Variants in JMJD1C observed in about 807,000 individuals in gnomAD.
JMJD1C encodes jumonji domain containing 1C.
JMJD1C carries 31 observed loss-of-function variants against 245.3 expected under a neutral mutation model. That is an observed-to-expected ratio of 0.13 (90% CI 0.09 to 0.17). The LOEUF (loss-of-function observed/expected upper bound fraction) is 0.17, where lower values mean the gene tolerates loss of function less well. JMJD1C is among the 10% of genes least tolerant of loss of function. The pLI is 1.00. For synonymous variants in JMJD1C, 1,057 were observed against 1,017.4 expected (o/e 1.04, Z -0.74); for missense variants, 2,691 against 3,000.2 (o/e 0.90, Z 2.41).
chr10:63,486,676 T>TA (rs1210049473), intron 1 of JMJD1C, among the ~76,000 whole-genome samples: 1 of 152,164 alleles, frequency 6.6e-6, no homozygotes, highest in Admixed American at 6.6e-5. Context: ...TCTCTTAACT[T>TA]ACAGTACATT....
Position 63,465,768 on chromosome 10 carries a change from A to C in JMJD1C, c.-106T>G. 1 of 1,355,112 alleles carries C rather than the reference A, an allele frequency of 7.4e-7. No homozygotes were observed. The highest frequency in any genetic ancestry group is 1.0e-6 in the Non-Finnish European group (1 of 973,102). The allele number at this position is 1,355,112 out of a possible 1,614,324, so 83.9% of individuals were successfully genotyped here. A position where few individuals can be genotyped will look rare whatever the true frequency, so the allele number is the denominator to read the frequency against. ...TGAGGAGAGCGGACCGGGACACAGC[A>C]GCGGACCCGAAAGAGCGCAGACTCG... On this transcript the variant is annotated 5_prime_UTR_variant, in exon 1 of 26. Transcript: ENST00000399262.
chr10:63,250,927 G>C (rs1852981459), intron 3 of JMJD1C, among the ~76,000 whole-genome samples: 1 of 151,992 alleles, frequency 6.6e-6, no homozygotes, highest in African/African-American at 2.4e-5. Flanking sequence ...TTTATTTTTA[G>C]AGACAGGGTC....
chr10:63,468,186 T>G (rs1232065706), upstream of JMJD1C, among the ~76,000 whole-genome samples: 1 of 152,220 alleles, frequency 6.6e-6, no homozygotes, highest in Non-Finnish European at 1.5e-5. Context: ...CCAAAATATT[T>G]TTAATCAAGT....
At chr10:63,340,034 T>C (rs1055041942) in intron 2 of JMJD1C, among the ~76,000 whole-genome samples, 2 of 150,958 alleles carry the variant, frequency 1.3e-5, no homozygotes, top group Non-Finnish European at 3.0e-5. Context: ...CACTCCAGCC[T>C]GGGTGACAGA....
At chr10:63,276,553 C>T (rs1856795249) in intron 2 of JMJD1C, among the ~76,000 whole-genome samples, 1 of 151,898 alleles carries the variant, frequency 6.6e-6, no homozygotes, top group Admixed American at 6.6e-5. Flanking sequence ...GACATGGTGG[C>T]AGGTGCCTGT....
chr10:63,502,896 A>G (rs945435815), intron 1 of JMJD1C, among the ~76,000 whole-genome samples: 1 of 152,216 alleles, frequency 6.6e-6, no homozygotes, highest in African/African-American at 2.4e-5. Flanking sequence ...ACAGCTGTAG[A>G]TAACAGCAAT....
chr10:63,487,669 C>G (rs1954041764), intron 1 of JMJD1C, among the ~76,000 whole-genome samples: 1 of 152,080 alleles, frequency 6.6e-6, no homozygotes, highest in South Asian at 2.1e-4. Context: ...GTGGGTAAGG[C>G]AAAGATTTAG....
intron 2 of JMJD1C, among the ~76,000 whole-genome samples, chr10:63,340,278 T>A (rs760558478): frequency 6.6e-6 from 1 of 152,178 alleles, no homozygotes; most frequent in African/African-American, 2.4e-5. Context: ...GCAATATATC[T>A]TTTCTGAATA....
chr10:63,441,030 G>A (rs1951352520), intron 1 of JMJD1C, among the ~76,000 whole-genome samples: 3 of 152,170 alleles, frequency 2.0e-5, no homozygotes, highest in Admixed American at 2.0e-4. Context: ...TGGAAGAACT[G>A]TGCTTTAAAA....
At chr10:63,471,329 C>G (rs976131085) in intron 1 of JMJD1C, among the ~76,000 whole-genome samples, 1 of 151,960 alleles carries the variant, frequency 6.6e-6, no homozygotes, top group African/African-American at 2.4e-5. Flanking sequence ...AAAGTAATAC[C>G]AACTCAAAAT....
In JMJD1C at chr10:63,481,079, A is replaced by C. The variant is rs190030787; in HGVS notation, n.113+40659T>G. On this transcript the variant is annotated intron_variant and non_coding_transcript_variant, in intron 1 of 3. Coordinates refer to the JMJD1C transcript ENST00000633035. Reference sequence around the variant, plus strand: ...TTAGGCTAATCATATCATAGACTGAATCCTCAAATGTTTTTACTAAATTCA... The same window carrying C: ...TTAGGCTAATCATATCATAGACTGACTCCTCAAATGTTTTTACTAAATTCA... Among the ~76,000 whole-genome samples, 507 of 152,350 alleles carry C rather than the reference A, an allele frequency of 3.3e-3. 2 individuals carry two copies. The highest frequency in any genetic ancestry group is 3.9e-3 in the Non-Finnish European group (262 of 68,028).
chr10:63,260,725 G>T (rs1022393468), intron 3 of JMJD1C, among the ~76,000 whole-genome samples: 15 of 148,726 alleles, frequency 1.0e-4, no homozygotes, highest in Non-Finnish European at 1.5e-4. Context: ...AAGTAGCTGG[G>T]ATTACAGGCG....
chr10:63,344,378 T>C (rs1339027946), intron 2 of JMJD1C, among the ~76,000 whole-genome samples: 2 of 152,142 alleles, frequency 1.3e-5, no homozygotes, highest in East Asian at 3.8e-4. Flanking sequence ...CCTAAGTATA[T>C]AGTAGGCAAA....
intron 3 of JMJD1C, among the ~76,000 whole-genome samples, chr10:63,230,192 G>A (rs953923980): frequency 2.6e-5 from 4 of 152,166 alleles, no homozygotes; most frequent in African/African-American, 7.2e-5. Flanking sequence ...GGCCAACATG[G>A]TGAACCCTGT....
chr10:63,451,108 C>T (rs1364942593), intron 1 of JMJD1C, among the ~76,000 whole-genome samples: 2 of 151,144 alleles, frequency 1.3e-5, no homozygotes, highest in Non-Finnish European at 2.9e-5. Context: ...AGACAAATGA[C>T]TGGTACATAT....
chr10:63,287,341 A>T (rs1453248946), intron 2 of JMJD1C, among the ~76,000 whole-genome samples: 1 of 152,258 alleles, frequency 6.6e-6, no homozygotes, highest in East Asian at 1.9e-4. Flanking sequence ...GTTCTGTGGT[A>T]TGAAGGTTAA....
intron 2 of JMJD1C, among the ~76,000 whole-genome samples, chr10:63,371,759 C>T (rs1383601212): frequency 6.6e-6 from 1 of 152,048 alleles, no homozygotes; most frequent in Admixed American, 6.6e-5. Context: ...GCAATACATG[C>T]CAGTATTAGA....
At chr10:63,408,681 C>T (rs998690784) in intron 1 of JMJD1C, among the ~76,000 whole-genome samples, 1 of 150,580 alleles carries the variant, frequency 6.6e-6, no homozygotes, top group Admixed American at 6.6e-5. Flanking sequence ...TTCAGATGAA[C>T]GGGCCATCAA....
intron 2 of JMJD1C, among the ~76,000 whole-genome samples, chr10:63,270,353 G>T (rs1856135808): frequency 6.6e-6 from 1 of 151,966 alleles, no homozygotes; most frequent in South Asian, 2.1e-4. Flanking sequence ...TTTTAGTAGA[G>T]ACAGGGTCTC....
Sources: allele counts gnomAD v4.1 joint callset (sites outside exome capture counted in the v4.1 genomes callset), GRCh38; gene constraint gnomAD v4.1.1; transcripts MANE v1.5; gene names NCBI Gene and HGNC (gene_info 2026-07-23, HGNC 2026-07-21).